PLA2G4E: variants seen among roughly 807,000 people sequenced by gnomAD.
PLA2G4E encodes phospholipase A2 group IVE.
In PLA2G4E, 84 loss-of-function variants were observed where a neutral mutation model predicts 109.1. The observed-to-expected ratio is 0.77, with a 90% confidence interval of 0.65 to 0.92. The LOEUF is 0.92. Ranked by LOEUF, PLA2G4E falls within the 40% of genes least tolerant of loss-of-function variation. PLA2G4E has a pLI of 0.00. For missense variants in PLA2G4E, 1,057 were observed against 1,076.6 expected, an observed-to-expected ratio of 0.98 and a Z score of 0.25; for synonymous variants, 469 against 436.1, an observed-to-expected ratio of 1.08 and a Z score of -0.94.
chr15:41,993,014 C>A, intron 12 of PLA2G4E, 55 bp from the exon 13 acceptor site: 2 of 1,486,778 alleles, frequency 1.3e-6, no homozygotes, highest in Non-Finnish European at 1.8e-6. Flanking sequence ...TCTGATGAGT[C>A]CTGGACCCGG....
intron 15 of PLA2G4E, 84 bp from the exon 16 acceptor site, chr15:41,988,240 C>T: frequency 1.2e-6 from 1 of 856,960 alleles, no homozygotes; most frequent in East Asian, 4.0e-5. Flanking sequence ...CCCCCCACCC[C>T]CCCACCCCAC....
chr15:41,992,793 T>C, exon 13 of PLA2G4E: 2 of 1,613,608 alleles, frequency 1.2e-6, no homozygotes, highest in Non-Finnish European at 1.7e-6. Context: ...AAGGTGACCC[T>C]GTAGCCTTCC....
chr15:41,984,667 G>T, intron 18 of PLA2G4E, 48 bp from the exon 19 acceptor site: 4 of 1,475,382 alleles, frequency 2.7e-6, no homozygotes, highest in Non-Finnish European at 3.6e-6. Context: ...GAGTGGGAGT[G>T]GAGGAGAAGC....
At chr15:41,981,620 A>G (rs1304459897) in exon 20 of PLA2G4E, 1 of 152,256 alleles carries the variant, frequency 6.6e-6, no homozygotes, top group Non-Finnish European at 1.5e-5. Context: ...CACAAATAAT[A>G]TGATGATTTT....
chr15:42,044,838 G>A (rs147475328), intron 1 of PLA2G4E, among the ~76,000 whole-genome samples: 2 of 152,250 alleles, frequency 1.3e-5, no homozygotes, highest in East Asian at 1.9e-4. Flanking sequence ...GCTGGGTGGG[G>A]ACAGAATTGG....
At chr15:42,045,975 G>T (rs1202163181) in intron 1 of PLA2G4E, among the ~76,000 whole-genome samples, 1 of 152,112 alleles carries the variant, frequency 6.6e-6, no homozygotes, top group Non-Finnish European at 1.5e-5. Flanking sequence ...TGAGTAAGGG[G>T]CATCTCTCAG....
intron 1 of PLA2G4E, among the ~76,000 whole-genome samples, chr15:42,021,622 C>T (rs1004881967): frequency 3.9e-5 from 6 of 152,178 alleles, no homozygotes; most frequent in Non-Finnish European, 8.8e-5. Context: ...CCTGTCCTCC[C>T]TCCTGGGAGG....
chr15:41,996,978 C>G, intron 11 of PLA2G4E, 146 bp downstream of exon 11: 7 of 1,045,330 alleles, frequency 6.7e-6, no homozygotes, highest in Non-Finnish European at 9.3e-6. Flanking sequence ...ACTTCCAGCA[C>G]AGCTCTCACC....
intron 1 of PLA2G4E, among the ~76,000 whole-genome samples, chr15:42,028,664 C>T (rs777954207): frequency 2.7e-4 from 41 of 152,194 alleles, no homozygotes; most frequent in Admixed American, 1.3e-4. Context: ...ACCTCGGCCT[C>T]CCAAAGTGCT....
intron 2 of PLA2G4E, among the ~76,000 whole-genome samples, chr15:42,013,082 G>C (rs997220504): frequency 4.6e-5 from 7 of 152,226 alleles, no homozygotes; most frequent in African/African-American, 1.4e-4. Context: ...TGGGATGAGG[G>C]GGGAGGTTAG....
chr15:42,039,987 T>C (rs1889285036), intron 1 of PLA2G4E, among the ~76,000 whole-genome samples: 1 of 152,180 alleles, frequency 6.6e-6, no homozygotes, highest in East Asian at 1.9e-4. Flanking sequence ...AGTGAATTTG[T>C]AAAACAGATA....
chr15:41,986,166 C>A lies in PLA2G4E; in HGVS notation c.2036-161G>T, dbSNP rs533526118. ...TGCCCTCTGGGTGGCTGAGGAAGAA[C>A]AGCGTTATCTTGGGCTTTTAGCTAG... On this transcript the variant is annotated intron_variant, in intron 17 of 19. Coordinates refer to ENST00000399518, the Ensembl canonical transcript of PLA2G4E. Among the ~76,000 whole-genome samples the A allele has an allele frequency of 5.9e-5, 9 of 152,282 alleles. No homozygotes were observed. The South Asian group carries it at 6.2e-4, about 11-fold the overall frequency.
chr15:42,040,204 G>GTA (rs1889291852), intron 1 of PLA2G4E, among the ~76,000 whole-genome samples: 1 of 150,770 alleles, frequency 6.6e-6, no homozygotes, highest in Admixed American at 6.6e-5. Flanking sequence ...ACACACACAC[G>GTA]CACACACACA....
At chr15:42,013,397 G>A (rs981900643) in intron 2 of PLA2G4E, among the ~76,000 whole-genome samples, 2 of 152,180 alleles carry the variant, frequency 1.3e-5, no homozygotes, top group African/African-American at 2.4e-5. Context: ...GACAGAGGGC[G>A]AACAGAGCTC....
chr15:41,998,335 T>C (rs1322917275), intron 10 of PLA2G4E: 1 of 152,174 alleles, frequency 6.6e-6, no homozygotes, highest in Non-Finnish European at 1.5e-5. Context: ...ACAACAACAA[T>C]AATAACAATA....
chr15:42,035,504 G>A (rs192687254), intron 1 of PLA2G4E, among the ~76,000 whole-genome samples: 63 of 152,360 alleles, frequency 4.1e-4, no homozygotes, highest in Admixed American at 3.7e-3. Context: ...TTCCCAGCGA[G>A]TAAGGCTCAG....
chr15:41,989,489 T>C, exon 15 of PLA2G4E: 1 of 1,613,834 alleles, frequency 6.2e-7, no homozygotes, highest in Non-Finnish European at 8.5e-7. Flanking sequence ...GCCGAAGAGC[T>C]CGGAGGGGAT....
At chr15:42,043,075 C>T (rs1889344139) in intron 1 of PLA2G4E, among the ~76,000 whole-genome samples, 1 of 152,176 alleles carries the variant, frequency 6.6e-6, no homozygotes, top group South Asian at 2.1e-4. Flanking sequence ...GGGTTCCTGC[C>T]TGGAAGGTGC....
At chr15:42,025,780 C>T (rs987113384) in intron 1 of PLA2G4E, among the ~76,000 whole-genome samples, 2 of 152,168 alleles carry the variant, frequency 1.3e-5, no homozygotes, top group African/African-American at 2.4e-5. Context: ...TCTGAGATGA[C>T]GGTGCTCCTG....
Sources: allele counts gnomAD v4.1 joint callset (sites outside exome capture counted in the v4.1 genomes callset), GRCh38; gene constraint gnomAD v4.1.1; transcripts MANE v1.5; gene names NCBI Gene and HGNC (gene_info 2026-07-23, HGNC 2026-07-21).